Variants in FCN2 observed in about 807,000 individuals in gnomAD.
The protein encoded by FCN2 is ficolin 2.
Under a neutral mutation model 32.5 loss-of-function variants are expected in FCN2, and 31 were observed. The ratio of observed to expected loss-of-function variants is 0.96; its 90% CI spans 0.72 to 1.29. The LOEUF (loss-of-function observed/expected upper bound fraction) is 1.29. FCN2 is among the 50% of genes most tolerant of loss of function. The pLI, the probability that FCN2 is intolerant of heterozygous loss-of-function variation, is 0.00. For missense variants in FCN2, 412 were observed against 406.5 expected (o/e 1.01, Z -0.12); for synonymous variants, 181 against 164.5 (o/e 1.10, Z -0.77).
At chr9:134,880,006 C>A (rs999287184), upstream of FCN2, among the ~76,000 whole-genome samples, 45 of 152,288 alleles carry the variant, frequency 3.0e-4, no homozygotes, top group Admixed American at 2.7e-3. Flanking sequence ...AAAAGGCGAA[C>A]ACAACCACTG....
rs141142782 is a variant in FCN2, at chr9:134,885,703, G to A, written c.430-65G>A. 2.5e-4 allele frequency: 407 copies of A among 1,607,008 alleles called. No homozygotes were observed. In the East Asian group the frequency reaches 6.2e-3, roughly 25 times the overall value. ...TACAAATGCTGCTCCTCTGGAGGGC[G>A]GGTCCCCCGTGCTGTGGGACGTCGG... On this transcript the variant is annotated intron_variant, in intron 5 of 7. Transcript: ENST00000291744.
the FCN2 span, among the ~76,000 whole-genome samples, chr9:134,872,121 T>C: frequency 6.6e-6 from 1 of 152,244 alleles, no homozygotes; most frequent in Non-Finnish European, 1.5e-5. Flanking sequence ...CAGCAGTTTG[T>C]TTCCTTTCAC....
Position 134,887,512 on chromosome 9 carries a change from C to T in FCN2, c.*97C>T, listed in dbSNP as rs1483278859. 15 of 1,192,170 alleles carry T rather than the reference C, an allele frequency of 1.3e-5. No homozygotes were observed. Among genetic ancestry groups the T allele is most frequent in the Non-Finnish European group, 1.5e-5 (12 of 819,224 alleles). The allele number at this position is 1,192,170 out of a possible 1,614,324, so 73.8% of individuals were successfully genotyped here. On this transcript the variant is annotated 3_prime_UTR_variant, in exon 8 of 8. Coordinates refer to ENST00000291744, the MANE Select transcript of FCN2 (RefSeq NM_004108.3). ...TACGGTTTGTAAAAGAAACACATGTCGTGATTCTAAATTGGGTTTGTCTTG... is the reference window on the plus strand; with the variant it reads ...TACGGTTTGTAAAAGAAACACATGTTGTGATTCTAAATTGGGTTTGTCTTG...
At chr9:134,878,735 C>T (rs1294968321), upstream of FCN2, among the ~76,000 whole-genome samples, 3 of 151,908 alleles carry the variant, frequency 2.0e-5, no homozygotes, top group Admixed American at 1.3e-4. Context: ...TCCAGCTACT[C>T]GGGAGGCTGA....
rs139943705 is a variant in FCN2 at position 134,885,372 on chromosome 9, T to G, written c.429+6T>G. ...CGGACGGAGGGGGCTGGACCGTGAG[T>G]GTGGGGCTGGGCAGAGGCGGTCAGC... is the stretch of plus-strand genomic sequence containing the variant. On this transcript the variant is annotated splice_donor_region_variant and intron_variant, in intron 5 of 7. Transcript: ENST00000291744. 6.2e-7 allele frequency: 1 copy of G among 1,612,732 alleles called. No homozygotes were observed. The highest frequency in any genetic ancestry group is 8.5e-7 in the Non-Finnish European group (1 of 1,179,564).
At chr9:134,869,110 C>A in the FCN2 span, among the ~76,000 whole-genome samples, 3 of 152,336 alleles carry the variant, frequency 2.0e-5, no homozygotes, top group South Asian at 6.2e-4. Context: ...CCACCTGACC[C>A]CGGCCGCCTG....
At position 134,886,517 on chromosome 9, in the gene FCN2, CGGA is replaced by C. The variant is rs1830759317; in HGVS notation, c.649_651del (p.Glu217del). The C allele has an allele frequency of 6.2e-7, 1 of 1,614,112 alleles. No homozygotes were observed. On this transcript the variant is annotated inframe_deletion, in exon 7 of 8. Transcript: ENST00000291744. The stretch of plus-strand genomic sequence containing the variant: ...AGATCATTCAAGGTGGCCGACGAGG[CGGA>C]GAAGTACAATCTGGTCCTGGGGGCC...
At chr9:134,882,159 T>C (rs1299223422) in intron 1 of FCN2, among the ~76,000 whole-genome samples, 1 of 152,236 alleles carries the variant, frequency 6.6e-6, no homozygotes, top group Non-Finnish European at 1.5e-5. Context: ...GAAATGAACC[T>C]GCACCCCTCG....
At chr9:134,878,474 G>A (rs887552234), upstream of FCN2, among the ~76,000 whole-genome samples, 2 of 152,198 alleles carry the variant, frequency 1.3e-5, no homozygotes, top group African/African-American at 4.8e-5. Context: ...GCAATTTTGA[G>A]TTCACCAAAG....
chr9:134,870,100 G>A, the FCN2 span, among the ~76,000 whole-genome samples: 1 of 152,208 alleles, frequency 6.6e-6, no homozygotes, highest in Non-Finnish European at 1.5e-5. This position sits in a 1 kb window ranked among gnomAD's most constrained non-coding sequence, Gnocchi z 4.3. Flanking sequence ...CTCTGCCCAA[G>A]GGGCAGCCTG....
chr9:134,883,851 T>C (rs1488090762), intron 3 of FCN2, among the ~76,000 whole-genome samples: 1 of 45,862 alleles, frequency 2.2e-5, no homozygotes, highest in African/African-American at 9.3e-5. Flanking sequence ...GAGGGGTTCT[T>C]AGTGGGGGGG....
At chr9:134,876,498 G>A (rs1830604734), upstream of FCN2, among the ~76,000 whole-genome samples, 1 of 152,080 alleles carries the variant, frequency 6.6e-6, no homozygotes, top group Admixed American at 6.5e-5. Context: ...CTTCACATCA[G>A]TACCACATTA....
intron 4 of FCN2, 28 bp downstream of exon 4, chr9:134,884,800 A>G: frequency 6.2e-7 from 1 of 1,610,762 alleles, no homozygotes; most frequent in African/African-American, 1.3e-5. Flanking sequence ...CACTCCTCCC[A>G]CGGCTTGTGG....
the FCN2 span, among the ~76,000 whole-genome samples, chr9:134,869,535 C>T: frequency 6.6e-6 from 1 of 152,206 alleles, no homozygotes; most frequent in African/African-American, 2.4e-5. Context: ...CCCCCGCAGG[C>T]TCCCTTCCCC....
At chr9:134,869,044 A>G in the FCN2 span, among the ~76,000 whole-genome samples, 1 of 152,140 alleles carries the variant, frequency 6.6e-6, no homozygotes, top group African/African-American at 2.4e-5. Context: ...GCAACTCCTA[A>G]ATTGTGTATT....
chr9:134,867,408 C>A, the FCN2 span, among the ~76,000 whole-genome samples: 1 of 148,176 alleles, frequency 6.7e-6, no homozygotes, highest in Non-Finnish European at 1.5e-5. Flanking sequence ...CCAAACACCG[C>A]ATATTCTCAC....
chr9:134,871,039 C>T, the FCN2 span, among the ~76,000 whole-genome samples: 3 of 152,202 alleles, frequency 2.0e-5, no homozygotes, highest in Non-Finnish European at 4.4e-5. Context: ...TTTTGGTTTC[C>T]TTGCCCAAAG....
chr9:134,879,037 AT>A (rs1259823052), upstream of FCN2, among the ~76,000 whole-genome samples: 1 of 152,260 alleles, frequency 6.6e-6, no homozygotes, highest in Non-Finnish European at 1.5e-5. Context: ...AACCACATTT[AT>A]CCTTTAGTAC....
At chr9:134,885,505 G>A in intron 5 of FCN2, 139 bp downstream of exon 5, 2 of 1,436,118 alleles carry the variant, frequency 1.4e-6, no homozygotes, top group African/African-American at 1.4e-5. Flanking sequence ...ATGACCGGTG[G>A]GTAAAAGTCC....
Sources: allele counts gnomAD v4.1 joint callset (sites outside exome capture counted in the v4.1 genomes callset), GRCh38; gene constraint gnomAD v4.1.1; non-coding constraint Gnocchi (gnomAD v3.1); transcripts MANE v1.5; gene names NCBI Gene and HGNC (gene_info 2026-07-23, HGNC 2026-07-21).